The following ANKRD12 variants were observed in gnomAD, a reference collection of about 807,000 sequenced individuals.
ANKRD12 encodes ankyrin repeat domain 12.
In ANKRD12, 85 loss-of-function variants were observed where a neutral mutation model predicts 183.4. The ratio of observed to expected loss-of-function variants is 0.46; its 90% CI spans 0.39 to 0.56. ANKRD12 has a LOEUF of 0.56. Ranked by LOEUF, ANKRD12 falls within the 20% of genes least tolerant of loss-of-function variation. ANKRD12 has a pLI of 0.00. For missense variants in ANKRD12, 2,405 were observed against 2,357.1 expected (o/e 1.02, Z -0.42); for synonymous variants, 914 against 800.2 (o/e 1.14, Z -2.40).
At position 9,257,814 on chromosome 18, in the gene ANKRD12, A is replaced by G. The variant is rs1185714600; in HGVS notation, c.4547A>G (p.Asn1516Ser). Residue 1516 changes from asparagine (N) to serine (S), a missense_variant, in exon 9 of 13, where the codon AAT becomes AGT. Around this residue, in one of 7 missense-constraint regions of ANKRD12, gnomAD observed 1,983 missense variants for 1,725.9 expected, o/e 1.15. Transcript: ENST00000262126. ...SKHMSLSYVA[N>S]QEPGILQQKN... ...CATATGTCTTTGTCATATGTTGCTA[A>G]TCAAGAGCCAGGTATTTTACAACAA... The G allele has an allele frequency of 1.9e-6, 3 of 1,613,732 alleles. No individual in the cohort carries two copies. Among genetic ancestry groups the G allele is most frequent in the African/African-American group, 1.3e-5 (1 of 74,900 alleles).
intron 8 of ANKRD12, among the ~76,000 whole-genome samples, chr18:9,249,456 C>T (rs2038156982): frequency 6.6e-6 from 1 of 152,142 alleles, no homozygotes; most frequent in East Asian, 1.9e-4. Flanking sequence ...TAAAAATACA[C>T]ACCTTTGAAA....
At position 9,281,250 on chromosome 18, in the gene ANKRD12, G is replaced by C. The variant is rs1412679640; in HGVS notation, c.*124G>C. 2 of 751,128 alleles carry C rather than the reference G, an allele frequency of 2.7e-6. No individual in the cohort carries two copies. The highest frequency in any genetic ancestry group is 2.9e-5 in the Admixed American group (1 of 34,720). 46.5% of individuals were successfully genotyped at this position (751,128 alleles called of 1,614,324 possible). A position where few individuals can be genotyped will look rare whatever the true frequency, so the allele number is the denominator to read the frequency against. On this transcript the variant is annotated 3_prime_UTR_variant, in exon 13 of 13. Coordinates refer to ENST00000262126, the MANE Select transcript of ANKRD12 (RefSeq NM_015208.5). ...TTGTTAGTAAAGTTCGATTATAGTTGGTTATGTAGTAAACACTGTCATTTT... is the reference window on the plus strand; with the variant it reads ...TTGTTAGTAAAGTTCGATTATAGTTCGTTATGTAGTAAACACTGTCATTTT...
In ANKRD12 at chr18:9,204,467, A is replaced by G. The variant is rs2035366092; in HGVS notation, c.236-9A>G. 1 of 1,589,766 alleles carries G rather than the reference A, an allele frequency of 6.3e-7. No homozygotes were observed. Among genetic ancestry groups the G allele is most frequent in the South Asian group, 1.1e-5 (1 of 88,966 alleles). ...TTTTTCTCTTCTCCTGTCTCTTCTCATTCTGTAGATTCAGATCCAGGACAT... is the reference window on the plus strand; with the variant it reads ...TTTTTCTCTTCTCCTGTCTCTTCTCGTTCTGTAGATTCAGATCCAGGACAT... On this transcript the variant is annotated splice_polypyrimidine_tract_variant and intron_variant, in intron 3 of 12. Coordinates refer to ENST00000262126, the MANE Select transcript of ANKRD12 (RefSeq NM_015208.5).
At chr18:9,199,600 A>AC (rs1394681855) in intron 3 of ANKRD12, among the ~76,000 whole-genome samples, 1 of 152,230 alleles carries the variant, frequency 6.6e-6, no homozygotes, top group Non-Finnish European at 1.5e-5. Flanking sequence ...GATATTATCT[A>AC]AACAAGTATA....
chr18:9,190,614 T>C (rs2034392815), intron 2 of ANKRD12, among the ~76,000 whole-genome samples: 1 of 152,296 alleles, frequency 6.6e-6, no homozygotes, highest in East Asian at 1.9e-4. Flanking sequence ...TTCATTGTTG[T>C]CTTAAGAAAT....
intron 9 of ANKRD12, among the ~76,000 whole-genome samples, chr18:9,263,498 CTG>C (rs2039105062): frequency 6.6e-6 from 1 of 152,124 alleles, no homozygotes; most frequent in African/African-American, 2.4e-5. Flanking sequence ...CCCTCCTTGT[CTG>C]TGAGCTGTCA....
intron 10 of ANKRD12, among the ~76,000 whole-genome samples, chr18:9,274,396 G>A (rs2039734869): frequency 6.6e-6 from 1 of 152,214 alleles, no homozygotes; most frequent in South Asian, 2.1e-4. Flanking sequence ...CTACAACATG[G>A]ATGAACCTTG....
intron 1 of ANKRD12, among the ~76,000 whole-genome samples, chr18:9,173,091 A>G (rs527263012): frequency 7.1e-6 from 1 of 140,784 alleles, no homozygotes; most frequent in African/African-American, 2.7e-5. Context: ...TTTTTTTGAG[A>G]CTGAGTTTAG....
chr18:9,284,837 G>GT lies in ANKRD12; in HGVS notation c.*3715dup. The GT allele has an allele frequency of 6.6e-6, 1 of 152,150 alleles. No individual in the cohort carries two copies. Among genetic ancestry groups the GT allele is most frequent in the Non-Finnish European group, 1.5e-5 (1 of 68,028 alleles). 9.4% of individuals were successfully genotyped at this position (152,150 alleles called of 1,614,324 possible). A position where few individuals can be genotyped will look rare whatever the true frequency, so the allele number is the denominator to read the frequency against. On this transcript the variant is annotated 3_prime_UTR_variant, in exon 13 of 13. Transcript: ENST00000262126. ...AAAGTACAACTAAAAAAATGGTTGGGTTTTCCCAGTGGTTAAATGCTATAT... is the reference window on the plus strand; with the variant it reads ...AAAGTACAACTAAAAAAATGGTTGGGTTTTTCCCAGTGGTTAAATGCTATAT...
chr18:9,169,101 C>G (rs1014923119), intron 1 of ANKRD12, among the ~76,000 whole-genome samples: 1 of 152,092 alleles, frequency 6.6e-6, no homozygotes, highest in African/African-American at 2.4e-5. Context: ...GTTATAATTT[C>G]TGTTCTTTTA....
At chr18:9,203,861 T>C (rs1267884912) in intron 3 of ANKRD12, among the ~76,000 whole-genome samples, 3 of 152,214 alleles carry the variant, frequency 2.0e-5, no homozygotes, top group Non-Finnish European at 4.4e-5. Context: ...CACCTTGGCC[T>C]CCCGAAGTGC....
chr18:9,171,935 A>C (rs74512519), intron 1 of ANKRD12, among the ~76,000 whole-genome samples: 1 of 150,972 alleles, frequency 6.6e-6, no homozygotes, highest in Admixed American at 6.6e-5. Context: ...CAGGAGAATC[A>C]CTTGAACCCG....
At chr18:9,220,699 T>C (rs1434568879) in intron 7 of ANKRD12, among the ~76,000 whole-genome samples, 1 of 152,208 alleles carries the variant, frequency 6.6e-6, no homozygotes, top group Non-Finnish European at 1.5e-5. Context: ...AGTATTTGAA[T>C]GTTTGGGTTT....
intron 5 of ANKRD12, 68 bp from the exon 6 acceptor site, chr18:9,211,516 A>G (rs1236341322): frequency 7.1e-7 from 1 of 1,400,968 alleles, no homozygotes; most frequent in Non-Finnish European, 9.9e-7. Flanking sequence ...TATTACCAAT[A>G]AAAACATTTA....
At chr18:9,168,474 C>T (rs1014479652) in intron 1 of ANKRD12, among the ~76,000 whole-genome samples, 1 of 152,118 alleles carries the variant, frequency 6.6e-6, no homozygotes, top group Admixed American at 6.6e-5. Context: ...AGGAATTCAT[C>T]CATTTCTTCT....
At chr18:9,172,051 A>C (rs1224009880) in intron 1 of ANKRD12, among the ~76,000 whole-genome samples, 1 of 151,502 alleles carries the variant, frequency 6.6e-6, no homozygotes, top group African/African-American at 2.4e-5. Context: ...CGAATGTTGA[A>C]TATTGGTCCC....
In ANKRD12 at chr18:9,178,842, AT is replaced by A. The variant is rs375872186; in HGVS notation, c.-51-3537del. ...TCACTTCTTTCCAAAGTGTTTTTGT[AT>A]TTGTCATTGTACAGTCTTATATACT... On this transcript the variant is annotated intron_variant, in intron 1 of 12. Coordinates refer to ENST00000262126, the MANE Select transcript of ANKRD12 (RefSeq NM_015208.5). 2.6e-5 allele frequency among the ~76,000 whole-genome samples: 4 copies of A among 152,112 alleles called. No homozygotes were observed. The East Asian group carries it at 7.7e-4, about 29-fold the overall frequency.
At chr18:9,172,291 C>T (rs111452852) in intron 1 of ANKRD12, among the ~76,000 whole-genome samples, 5 of 152,134 alleles carry the variant, frequency 3.3e-5, no homozygotes, top group African/African-American at 7.2e-5. Context: ...GAGAAGTTCT[C>T]CTGGATGATA....
In ANKRD12 at chr18:9,187,875, G is replaced by A. The variant is rs117200333; in HGVS notation, c.87+5356G>A. On this transcript the variant is annotated intron_variant, in intron 2 of 12. Transcript: ENST00000262126. The stretch of plus-strand genomic sequence containing the variant: ...TGAATAGTTCTGTTATATCCTTTTC[G>A]TCATCAGTGTAGTTCAGACATTCAT... Among the ~76,000 whole-genome samples the A allele has an allele frequency of 7.0e-3, 1,065 of 152,204 alleles. 8 individuals carry two copies. Among genetic ancestry groups the A allele is most frequent in the Non-Finnish European group, 0.012 (809 of 67,988 alleles).
Sources: allele counts gnomAD v4.1 joint callset (sites outside exome capture counted in the v4.1 genomes callset), GRCh38; gene constraint gnomAD v4.1.1; regional missense constraint gnomAD v4.1.1; transcripts MANE v1.5; gene names NCBI Gene and HGNC (gene_info 2026-07-23, HGNC 2026-07-21).